LARGE1: variants seen among roughly 807,000 people sequenced by gnomAD.
LARGE1 encodes the protein LARGE xylosyl- and glucuronyltransferase 1.
LARGE1 carries 43 observed loss-of-function variants against 87.6 expected under a neutral mutation model. The ratio of observed to expected loss-of-function variants is 0.49; its 90% CI spans 0.38 to 0.63. The LOEUF (loss-of-function observed/expected upper bound fraction) is 0.63. Ranked by LOEUF, LARGE1 falls within the 30% of genes least tolerant of loss-of-function variation. The pLI, the probability that LARGE1 is intolerant of heterozygous loss-of-function variation, is 0.00. For missense variants in LARGE1, 802 were observed against 1,000.2 expected (o/e 0.80, Z 2.67); for synonymous variants, 434 against 394.6 (o/e 1.10, Z -1.18).
At chr22:33,572,214 T>C (rs2078226640) in intron 5 of LARGE1, 2 of 1,285,388 alleles carry the variant, frequency 1.6e-6, no homozygotes, top group Non-Finnish European at 2.0e-6. Flanking sequence ...AAAGAAGTCA[T>C]CCCAGCTGCA....
chr22:33,320,439 T>G (rs552844299), intron 10 of LARGE1, among the ~76,000 whole-genome samples: 22 of 152,206 alleles, frequency 1.4e-4, no homozygotes, highest in Non-Finnish European at 2.5e-4. Context: ...GTTTCTTCTC[T>G]GCGCTCCAAG....
chr22:33,560,359 G>A lies in LARGE1; in HGVS notation c.787+4489C>T, dbSNP rs191525428. 2.2e-3 allele frequency among the ~76,000 whole-genome samples: 341 copies of A among 152,296 alleles called. 1 individual carries two copies. The highest frequency in any genetic ancestry group is 7.9e-3 in the African/African-American group (329 of 41,570). The stretch of plus-strand genomic sequence containing the variant: ...TACCCAGTGGCATGGCACATCTGCG[G>A]TGCCGTGAGGGTGAGGAAGGCAGTG... On this transcript the variant is annotated intron_variant, in intron 6 of 14. Transcript: ENST00000397394.
At chr22:33,358,284 C>T (rs1400395019) in intron 9 of LARGE1, among the ~76,000 whole-genome samples, 1 of 105,772 alleles carries the variant, frequency 9.5e-6, no homozygotes, top group South Asian at 4.0e-4. Flanking sequence ...TTTAGATCTT[C>T]TCCCCCAAAA....
At chr22:33,175,292 TG>T (rs1172087373) in intron 11 of LARGE1, among the ~76,000 whole-genome samples, 1 of 151,316 alleles carries the variant, frequency 6.6e-6, no homozygotes, top group Non-Finnish European at 1.5e-5. Flanking sequence ...CTGGCCAGGA[TG>T]GAAGGGAAGG....
intron 1 of LARGE1, among the ~76,000 whole-genome samples, chr22:33,896,027 A>C (rs1231867522): frequency 1.3e-5 from 2 of 152,124 alleles, no homozygotes. Context: ...ACCAACACCC[A>C]CCTCCAGCAC....
At chr22:33,424,180 G>T (rs532966225) in intron 7 of LARGE1, among the ~76,000 whole-genome samples, 2 of 152,192 alleles carry the variant, frequency 1.3e-5, no homozygotes, top group Non-Finnish European at 2.9e-5. Flanking sequence ...TGGGGGCAGG[G>T]CCCTGAGGTT....
At chr22:33,843,066 T>G (rs940503931) in intron 1 of LARGE1, among the ~76,000 whole-genome samples, 5 of 152,216 alleles carry the variant, frequency 3.3e-5, no homozygotes, top group Non-Finnish European at 7.3e-5. Context: ...CTAGCCTTCC[T>G]GGAAGACATC....
intron 11 of LARGE1, among the ~76,000 whole-genome samples, chr22:33,202,262 C>T (rs1924437046): frequency 6.6e-6 from 1 of 152,198 alleles, no homozygotes; most frequent in Non-Finnish European, 1.5e-5. Context: ...TGGCCCCTAA[C>T]AGGTGAATAT....
At chr22:33,152,417 G>A in the LARGE1 span, among the ~76,000 whole-genome samples, 7 of 152,304 alleles carry the variant, frequency 4.6e-5, no homozygotes, top group South Asian at 6.2e-4. Context: ...CTACTGGCCC[G>A]AGCATTGTGC....
intron 6 of LARGE1, among the ~76,000 whole-genome samples, chr22:33,557,827 G>T (rs1406330249): frequency 6.6e-6 from 1 of 152,136 alleles, no homozygotes; most frequent in Non-Finnish European, 1.5e-5. Flanking sequence ...TTAGCCTCCT[G>T]AAGTGCTGGG....
At chr22:33,296,650 T>C (rs374185906) in intron 12 of LARGE1, among the ~76,000 whole-genome samples, 1 of 150,124 alleles carries the variant, frequency 6.7e-6, no homozygotes, top group African/African-American at 2.5e-5. Flanking sequence ...CTCACCGCAA[T>C]GTCTGCCTCC....
At chr22:33,580,655 T>G (rs904834926) in intron 5 of LARGE1, among the ~76,000 whole-genome samples, 1 of 152,140 alleles carries the variant, frequency 6.6e-6, no homozygotes, top group Non-Finnish European at 1.5e-5. Context: ...ATATATACAA[T>G]GTAAGGGCAA....
chr22:33,837,117 T>C (rs1473324252), intron 1 of LARGE1, among the ~76,000 whole-genome samples: 3 of 152,096 alleles, frequency 2.0e-5, no homozygotes, highest in Admixed American at 6.5e-5. Context: ...TCCAGCCTCT[T>C]GTCCCACTGC....
chr22:33,540,954 C>G (rs2077174399), intron 6 of LARGE1, among the ~76,000 whole-genome samples: 1 of 150,352 alleles, frequency 6.7e-6, no homozygotes. Context: ...GGCAACGTGG[C>G]AAAACCCCAT....
intron 10 of LARGE1, among the ~76,000 whole-genome samples, chr22:33,318,234 C>CAAAAAA (rs10635054): frequency 2.6e-5 from 3 of 114,146 alleles, no homozygotes; most frequent in African/African-American, 9.8e-5. Context: ...GACTCCATCT[C>CAAAAAA]AAAAAAAAAA....
intron 11 of LARGE1, 144 bp from the exon 12 acceptor site, chr22:33,304,651 T>A: frequency 1.2e-6 from 1 of 849,552 alleles, no homozygotes; most frequent in African/African-American, 1.7e-5. Context: ...CTCACTCAGT[T>A]CCTTTACCTA....
At chr22:33,258,878 CTT>C (rs71187256) in intron 11 of LARGE1, among the ~76,000 whole-genome samples, 105 of 142,452 alleles carry the variant, frequency 7.4e-4, no homozygotes, top group African/African-American at 9.8e-4. Context: ...TATGTTTCTT[CTT>C]TTTTTTTTTT....
chr22:33,762,264 A>T (rs2084761818), intron 1 of LARGE1, among the ~76,000 whole-genome samples: 1 of 150,500 alleles, frequency 6.6e-6, no homozygotes, highest in African/African-American at 2.4e-5. Context: ...GGATGGATTC[A>T]AAAAGTGTAG....
chr22:33,803,706 C>T (rs1431886419), intron 1 of LARGE1, among the ~76,000 whole-genome samples: 1 of 152,206 alleles, frequency 6.6e-6, no homozygotes, highest in South Asian at 2.1e-4. Flanking sequence ...ACACAGGACA[C>T]ACTTAATTCC....
Sources: allele counts gnomAD v4.1 joint callset (sites outside exome capture counted in the v4.1 genomes callset), GRCh38; gene constraint gnomAD v4.1.1; transcripts MANE v1.5; gene names NCBI Gene and HGNC (gene_info 2026-07-23, HGNC 2026-07-21).